SLC8A2: variants seen among roughly 807,000 people sequenced by gnomAD.
SLC8A2 encodes the protein solute carrier family 8 member A2.
In SLC8A2, 14 loss-of-function variants were observed where a neutral mutation model predicts 70.2. That is an observed-to-expected ratio of 0.20 (90% confidence interval 0.13 to 0.31). The LOEUF is 0.31. Ranked by LOEUF, SLC8A2 falls within the 10% of genes least tolerant of loss-of-function variation. The pLI is 1.00. For synonymous variants in SLC8A2, 575 were observed against 594.3 expected, an observed-to-expected ratio of 0.97 and a Z score of 0.47; for missense variants, 779 against 1,320.1, an observed-to-expected ratio of 0.59 and a Z score of 6.35.
chr19:47,447,396 A>T lies in SLC8A2; in HGVS notation c.1763+413T>A. On this transcript the variant is annotated intron_variant, in intron 4 of 9. Transcript: ENST00000236877. This position sits in a 1 kb window ranked among gnomAD's most constrained non-coding sequence, Gnocchi z 5.1. The stretch of plus-strand genomic sequence containing the variant: ...CCCAGGCCCCGTCCCATCTCTCCTC[A>T]CCTCGTCCCCCCTTCCTCCTTGGGG... 4.2e-6 allele frequency: 1 copy of T among 238,052 alleles called. No individual in the cohort carries two copies. The highest frequency in any genetic ancestry group is 5.0e-5 in the South Asian group (1 of 19,822). 14.7% of individuals were successfully genotyped at this position (238,052 alleles called of 1,614,324 possible).
chr19:47,452,488 G>A (rs865902961), intron 3 of SLC8A2, among the ~76,000 whole-genome samples: 28 of 135,412 alleles, frequency 2.1e-4, no homozygotes, highest in South Asian at 7.3e-4. Flanking sequence ...GTGTGTGTGT[G>A]TGTCTTGGTC....
chr19:47,446,286 G>C (rs1197604888), intron 4 of SLC8A2, among the ~76,000 whole-genome samples: 2 of 151,760 alleles, frequency 1.3e-5, no homozygotes, highest in African/African-American at 4.8e-5. Context: ...ATCCTGGGCA[G>C]GGGGGTGGGG....
intron 2 of SLC8A2, among the ~76,000 whole-genome samples, chr19:47,458,538 CCT>C (rs1218017029): frequency 2.1e-5 from 3 of 144,858 alleles, no homozygotes; most frequent in African/African-American, 2.6e-5. Context: ...CCTTTCCGTC[CCT>C]CTCTTAGTTT....
rs752310316 is a variant in SLC8A2 at position 47,457,087 on chromosome 19, G to A, written c.1183C>T (p.Arg395Cys). 4 of 1,571,952 alleles carry A rather than the reference G, an allele frequency of 2.5e-6. No individual in the cohort carries two copies. The highest frequency in any genetic ancestry group is 3.8e-5 in the Admixed American group (2 of 53,078). The change falls in exon 3 of 10, where the codon CGC (arginine) becomes TGC (cysteine). Residue 395 changes from arginine to cysteine, a missense_variant. Transcript: ENST00000236877. ...AGEDEDDGAS[R>C]IFFEPSLYHC... ...TAGAGGCTAGGCTCGAAGAAGATGC[G>A]GCTGGCGCCGTCGTCTTCGTCCTCG...
chr19:47,445,694 T>TG (rs1269856845), intron 4 of SLC8A2, among the ~76,000 whole-genome samples: 1 of 151,790 alleles, frequency 6.6e-6, no homozygotes, highest in Non-Finnish European at 1.5e-5. Context: ...TGGGAGCTTG[T>TG]GGGGGTGGGG....
chr19:47,462,252 C>A (rs1317481932), intron 2 of SLC8A2, among the ~76,000 whole-genome samples: 1 of 151,946 alleles, frequency 6.6e-6, no homozygotes. Context: ...CTTTCTTTTT[C>A]TTTTTCTTTC....
Position 47,430,431 on chromosome 19 carries a change from G to C in SLC8A2, c.2424C>G (p.Asp808Glu). 1 of 1,606,992 alleles carries C rather than the reference G, an allele frequency of 6.2e-7. No homozygotes were observed. Among genetic ancestry groups the C allele is most frequent in the Non-Finnish European group, 8.5e-7 (1 of 1,178,156 alleles). ...TGCCGATGGACGCGTCGGCGCACTG[G>C]TCCTGCAGCGCCGCCACCTTGCTGG... The part of the protein sequence containing the change: ...TFASKVAALQ[D>E]QCADASIGNV... Residue 808 changes from aspartate to glutamate, a missense_variant, in exon 10 of 10, where the codon GAC becomes GAG. Asp to Glu is a conservative substitution (Grantham distance 45, BLOSUM62 2). Transcript: ENST00000236877. This position sits in a 1 kb window ranked among gnomAD's most constrained non-coding sequence, Gnocchi z 5.9.
chr19:47,429,822 G>T lies in SLC8A2; in HGVS notation c.*267C>A. The T allele has an allele frequency of 1.8e-6, 1 of 549,638 alleles. No homozygotes were observed. The highest frequency in any genetic ancestry group is 2.3e-5 in the South Asian group (1 of 43,616). 34.0% of individuals were successfully genotyped at this position (549,638 alleles called of 1,614,324 possible). ...GGGACTGGGGTGGAAATTTCCCCAG[G>T]GATATAGACGGTCACCAACAGGATG... On this transcript the variant is annotated 3_prime_UTR_variant, in exon 10 of 10. Transcript: ENST00000236877.
intron 4 of SLC8A2, among the ~76,000 whole-genome samples, chr19:47,446,242 G>A (rs1315152978): frequency 6.6e-6 from 1 of 151,540 alleles, no homozygotes; most frequent in Non-Finnish European, 1.5e-5. Context: ...GGGGGCGGAA[G>A]AGAGCGGGCA....
chr19:47,470,621 C>T (rs1185425795), intron 1 of SLC8A2, among the ~76,000 whole-genome samples: 4 of 152,086 alleles, frequency 2.6e-5, no homozygotes, highest in East Asian at 3.8e-4. Context: ...GCAGGAAAGG[C>T]GCTCAGTAAT....
Position 47,430,516 on chromosome 19 carries a change from G to T in SLC8A2, c.2390-51C>A. On this transcript the variant is annotated intron_variant, in intron 9 of 9. Transcript: ENST00000236877. The surrounding 1 kb of genome is among the most constrained non-coding windows in gnomAD (Gnocchi z 5.9). ...GAGGGGCTTTGCGCCGCCACCCACAGGGGCGGGCATCCGCCTGCCCCCTCC... is the reference window on the plus strand; with the variant it reads ...GAGGGGCTTTGCGCCGCCACCCACATGGGCGGGCATCCGCCTGCCCCCTCC... 1 of 1,510,062 alleles carries T rather than the reference G, an allele frequency of 6.6e-7. No homozygotes were observed. The highest frequency in any genetic ancestry group is 8.8e-7 in the Non-Finnish European group (1 of 1,133,396). The allele number at this position is 1,510,062 out of a possible 1,614,324, so 93.5% of individuals were successfully genotyped here. A position where few individuals can be genotyped will look rare whatever the true frequency, so the allele number is the denominator to read the frequency against.
At chr19:47,431,078 G>C (rs998310728) in intron 9 of SLC8A2, among the ~76,000 whole-genome samples, 3 of 152,050 alleles carry the variant, frequency 2.0e-5, no homozygotes, top group Non-Finnish European at 2.9e-5. Context: ...GCCCAGGCTG[G>C]AGTACAGTGG....
At position 47,448,262 on chromosome 19, in the gene SLC8A2, G is replaced by T. The variant is rs200288891; in HGVS notation, c.1341-31C>A. 3,065 of 1,543,950 alleles carry T rather than the reference G, an allele frequency of 2.0e-3. 13 individuals are homozygous for T. Among genetic ancestry groups the T allele is most frequent in the Non-Finnish European group, 1.9e-3 (2,166 of 1,136,932 alleles). ...GCGGGGTGGGGAGGGGGAAGAGCGG[G>T]GTGAGGGTCGGTCATCGGCTGTGTG... is the stretch of plus-strand genomic sequence containing the variant. On this transcript the variant is annotated intron_variant, in intron 3 of 9. Coordinates refer to ENST00000236877, the MANE Select transcript of SLC8A2 (RefSeq NM_015063.3). The surrounding 1 kb of genome is among the most constrained non-coding windows in gnomAD (Gnocchi z 4.8).
chr19:47,470,712 T>A (rs1967525464), intron 1 of SLC8A2, among the ~76,000 whole-genome samples: 4 of 152,254 alleles, frequency 2.6e-5, no homozygotes, highest in African/African-American at 9.6e-5. Context: ...ACTGGTCCAG[T>A]TACACGAGGA....
chr19:47,445,862 G>T (rs574669467), intron 4 of SLC8A2, among the ~76,000 whole-genome samples: 2 of 152,306 alleles, frequency 1.3e-5, no homozygotes, highest in South Asian at 4.1e-4. Flanking sequence ...GAGGGGTCTG[G>T]GATGGTGCCT....
chr19:47,459,389 G>GT (rs1281183598), intron 2 of SLC8A2, among the ~76,000 whole-genome samples: 2 of 151,366 alleles, frequency 1.3e-5, no homozygotes, highest in Non-Finnish European at 2.9e-5. Context: ...TCCTTCTTTT[G>GT]TATCTATTGG....
rs1262042671 is a variant in SLC8A2, at chr19:47,447,070, G to A, written c.1763+739C>T. On this transcript the variant is annotated intron_variant, in intron 4 of 9. Transcript: ENST00000236877. The surrounding 1 kb of genome is among the most constrained non-coding windows in gnomAD (Gnocchi z 5.1). Reference sequence around the variant, plus strand: ...TTCCCAAATCCTCGCCCAGATTCGCGTTAGGTGCCCCGCTATTTCCCCAGG... The same window carrying A: ...TTCCCAAATCCTCGCCCAGATTCGCATTAGGTGCCCCGCTATTTCCCCAGG... 6.7e-6 allele frequency among the ~76,000 whole-genome samples: 1 copy of A among 149,234 alleles called. No individual in the cohort carries two copies. The highest frequency in any genetic ancestry group is 1.5e-5 in the Non-Finnish European group (1 of 66,878).
Position 47,448,110 on chromosome 19 carries a change from C to G in SLC8A2, c.1462G>C (p.Gly488Arg). 2 of 1,610,896 alleles carry G rather than the reference C, an allele frequency of 1.2e-6. No homozygotes were observed. The highest frequency in any genetic ancestry group is 1.7e-6 in the Non-Finnish European group (2 of 1,178,910). The change falls in exon 4 of 10, where the codon GGC becomes CGC. Residue 488 changes from glycine (G) to arginine (R), a missense_variant. By Grantham distance (125) the Gly-to-Arg change is moderately radical. Around this residue, in one of 6 missense-constraint regions of SLC8A2, gnomAD observed 247 missense variants for 362.8 expected, o/e 0.68. Coordinates refer to ENST00000236877, the MANE Select transcript of SLC8A2 (RefSeq NM_015063.3). The surrounding 1 kb of genome is among the most constrained non-coding windows in gnomAD (Gnocchi z 4.8). ...GGCTCGAACATGCCCTGCGCGTCGC[C>G]CACGCGCAGGTTCAGCAGCCGCACG... The part of the protein sequence containing the change: ...FFVRLLNLRV[G>R]DAQGMFEPDG...
Position 47,447,659 on chromosome 19 carries a change from C to T in SLC8A2, c.1763+150G>A. 5.1e-6 allele frequency: 4 copies of T among 777,074 alleles called. No individual in the cohort carries two copies. The highest frequency in any genetic ancestry group is 7.7e-6 in the Non-Finnish European group (4 of 518,608). 48.1% of individuals were successfully genotyped at this position (777,074 alleles called of 1,614,324 possible). On this transcript the variant is annotated intron_variant, in intron 4 of 9. Transcript: ENST00000236877. This position sits in a 1 kb window ranked among gnomAD's most constrained non-coding sequence, Gnocchi z 5.1. ...TCACAGGCCCCGCCCACGTTGCGGG[C>T]ACGGCCACGCAGGCCCCTCCCCTCC... is the stretch of plus-strand genomic sequence containing the variant.
Sources: allele counts gnomAD v4.1 joint callset (sites outside exome capture counted in the v4.1 genomes callset), GRCh38; gene constraint gnomAD v4.1.1; regional missense constraint gnomAD v4.1.1; non-coding constraint Gnocchi (gnomAD v3.1); transcripts MANE v1.5; gene names NCBI Gene and HGNC (gene_info 2026-07-23, HGNC 2026-07-21).